ACOXL: variants seen among roughly 807,000 people sequenced by gnomAD.
ACOXL encodes acyl-coenzyme A oxidase-like protein.
ACOXL carries 70 observed loss-of-function variants against 71.9 expected under a neutral mutation model. The ratio of observed to expected loss-of-function variants is 0.97; its 90% CI spans 0.80 to 1.19. The LOEUF is 1.19. ACOXL is among the 50% of genes most tolerant of loss of function. The pLI, the probability that ACOXL is intolerant of heterozygous loss-of-function variation, is 0.00. For synonymous variants in ACOXL, 253 were observed against 281.6 expected (o/e 0.90, Z 1.02); for missense variants, 703 against 736.3 (o/e 0.95, Z 0.52).
At chr2:110,866,437 T>C (rs1298273989) in intron 10 of ACOXL, among the ~76,000 whole-genome samples, 1 of 151,946 alleles carries the variant, frequency 6.6e-6, no homozygotes, top group Non-Finnish European at 1.5e-5. Context: ...TCATTTAGAA[T>C]GAAGACATGA....
chr2:110,819,374 A>G (rs1688339247), intron 9 of ACOXL, among the ~76,000 whole-genome samples: 1 of 152,122 alleles, frequency 6.6e-6, no homozygotes. Context: ...CAGAGGAGGA[A>G]CAGGTTTAGG....
At chr2:110,792,282 G>A (rs1331106980) in intron 3 of ACOXL, among the ~76,000 whole-genome samples, 1 of 152,166 alleles carries the variant, frequency 6.6e-6, no homozygotes. Context: ...AACTGGGGTT[G>A]TATAGCTAGG....
chr2:110,804,926 G>A (rs563610379), intron 8 of ACOXL, among the ~76,000 whole-genome samples: 29 of 152,286 alleles, frequency 1.9e-4, no homozygotes, highest in African/African-American at 6.3e-4. Context: ...GTACAATTTC[G>A]TGACTATACT....
intron 12 of ACOXL, among the ~76,000 whole-genome samples, chr2:110,946,947 G>T (rs781240704): frequency 6.6e-5 from 10 of 152,242 alleles, no homozygotes; most frequent in Non-Finnish European, 1.0e-4. Context: ...GGCTGGAACT[G>T]GAGTTGGCAG....
At chr2:110,823,205 A>G (rs1406538998) in intron 9 of ACOXL, among the ~76,000 whole-genome samples, 1 of 151,452 alleles carries the variant, frequency 6.6e-6, no homozygotes, top group African/African-American at 2.4e-5. Context: ...GTGAGCCAAG[A>G]TGGTGCCATT....
intron 17 of ACOXL, among the ~76,000 whole-genome samples, chr2:111,112,364 T>C (rs992146643): frequency 3.3e-5 from 5 of 152,232 alleles, no homozygotes; most frequent in African/African-American, 1.2e-4. Flanking sequence ...CTCCCCTTTC[T>C]AGTAGTTGTT....
chr2:111,111,989 AG>A (rs1462143586), intron 17 of ACOXL, among the ~76,000 whole-genome samples: 1 of 152,220 alleles, frequency 6.6e-6, no homozygotes, highest in African/African-American at 2.4e-5. Context: ...TGCAGTAGAA[AG>A]GACATTTTAA....
intron 10 of ACOXL, among the ~76,000 whole-genome samples, chr2:110,865,689 GCA>G (rs1200978587): frequency 6.6e-6 from 1 of 152,236 alleles, no homozygotes; most frequent in African/African-American, 2.4e-5. Context: ...GCAGAGGCCA[GCA>G]CTGCCATGGA....
At position 110,775,187 on chromosome 2, in the gene ACOXL, A is replaced by G. The variant is rs182386768; in HGVS notation, c.75+6723A>G. On this transcript the variant is annotated intron_variant, in intron 2 of 17. Coordinates refer to ENST00000439055, the MANE Select transcript of ACOXL (RefSeq NM_001142807.4). Reference sequence around the variant, plus strand: ...TTAACTCAAAATGGATTAAAGACCTAAATGTAAGAGCAAAAACTAATAAAA... The same window carrying G: ...TTAACTCAAAATGGATTAAAGACCTGAATGTAAGAGCAAAAACTAATAAAA... Among the ~76,000 whole-genome samples the G allele has an allele frequency of 8.5e-5, 13 of 152,360 alleles. 1 individual carries two copies. Among genetic ancestry groups the G allele is most frequent in the Admixed American group, 8.5e-4 (13 of 15,304 alleles).
intron 12 of ACOXL, among the ~76,000 whole-genome samples, chr2:110,968,983 A>G (rs1024706301): frequency 6.6e-6 from 1 of 152,240 alleles, no homozygotes; most frequent in African/African-American, 2.4e-5. Flanking sequence ...TTTTCTCATC[A>G]TAATAGAATG....
At chr2:110,982,160 G>T (rs1433329048) in intron 12 of ACOXL, among the ~76,000 whole-genome samples, 4 of 151,396 alleles carry the variant, frequency 2.6e-5, no homozygotes, top group South Asian at 2.1e-4. Flanking sequence ...GTTTTTTTTT[G>T]TTTGTTTGTT....
chr2:110,961,828 C>T lies in ACOXL; in HGVS notation c.1060-25280C>T, dbSNP rs145601644. Among the ~76,000 whole-genome samples, 857 of 152,246 alleles carry T rather than the reference C, an allele frequency of 5.6e-3. 9 individuals are homozygous for T. The highest frequency in any genetic ancestry group is 0.019 in the African/African-American group (805 of 41,538). On this transcript the variant is annotated intron_variant, in intron 12 of 17. Transcript: ENST00000439055. ...TTACATGGTGGCAGGCAAGAGGGCA[C>T]GTGCAGGGGAACTACCCTTCATAAA...
At position 110,842,462 on chromosome 2, in the gene ACOXL, G is replaced by A. The variant is rs562766372; in HGVS notation, c.788+1057G>A. The stretch of plus-strand genomic sequence containing the variant: ...AAGACAGATTAACTAGAGAAAGCAT[G>A]CACATTTATTTAATATAAGTTTTAT... On this transcript the variant is annotated intron_variant, in intron 10 of 17. Transcript: ENST00000439055. Among the ~76,000 whole-genome samples, 4 of 152,290 alleles carry A rather than the reference G, an allele frequency of 2.6e-5. No individual in the cohort carries two copies. The South Asian group carries it at 6.2e-4, about 24-fold the overall frequency.
intron 1 of ACOXL, among the ~76,000 whole-genome samples, chr2:110,747,262 G>A (rs1678344227): frequency 6.6e-6 from 1 of 152,168 alleles, no homozygotes; most frequent in African/African-American, 2.4e-5. Context: ...GTTTGGATGG[G>A]TGAGTTTGTT....
At chr2:110,801,837 C>A in intron 8 of ACOXL, 113 bp downstream of exon 8, 2 of 829,208 alleles carry the variant, frequency 2.4e-6, no homozygotes, top group South Asian at 1.5e-5. Flanking sequence ...CTTCCCCTAA[C>A]CACCCGTACA....
chr2:110,942,193 A>C (rs1319840386), intron 12 of ACOXL, among the ~76,000 whole-genome samples: 1 of 152,270 alleles, frequency 6.6e-6, no homozygotes, highest in African/African-American at 2.4e-5. Context: ...CATAGAAAAC[A>C]AATAGCAAAA....
chr2:110,847,019 A>G (rs1691986675), intron 10 of ACOXL, among the ~76,000 whole-genome samples: 1 of 152,058 alleles, frequency 6.6e-6, no homozygotes. Flanking sequence ...ACAGAGTGGA[A>G]AATTGTCTCT....
chr2:110,995,854 G>A (rs2063373446), intron 13 of ACOXL, 39 bp from the exon 14 acceptor site: 1 of 1,529,300 alleles, frequency 6.5e-7, no homozygotes, highest in Non-Finnish European at 9.1e-7. Flanking sequence ...TCTTGGTGAG[G>A]CCAAAATAAT....
chr2:110,844,037 C>T (rs979473442), intron 10 of ACOXL, among the ~76,000 whole-genome samples: 2 of 152,188 alleles, frequency 1.3e-5, no homozygotes, highest in Admixed American at 6.5e-5. Context: ...AAAAGGCTGC[C>T]TGCAGCAGCT....
Sources: gnomAD v4.1 joint callset for allele counts (sites outside exome capture counted in the v4.1 genomes callset) on GRCh38, gnomAD v4.1.1 for gene constraint, MANE v1.5 for transcripts, NCBI Gene and HGNC (gene_info 2026-07-23, HGNC 2026-07-21) for gene names.